TDP1: variants seen among roughly 807,000 people sequenced by gnomAD.
The protein encoded by TDP1 is tyr-DNA phosphodiesterase 1.
In TDP1, 64 loss-of-function variants were observed where a neutral mutation model predicts 81.5. The observed-to-expected ratio is 0.79, with a 90% CI of 0.64 to 0.97. TDP1 has a LOEUF of 0.97. Among genes scored for constraint, TDP1 ranks in the 50% least tolerant of loss-of-function variants. The pLI is 0.00. For missense variants in TDP1, 723 were observed against 743.8 expected, an observed-to-expected ratio of 0.97 and a Z score of 0.33; for synonymous variants, 256 against 264.3, an observed-to-expected ratio of 0.97 and a Z score of 0.30.
At chr14:90,028,439 C>T (rs147609689) in intron 15 of TDP1, among the ~76,000 whole-genome samples, 4,671 of 152,282 alleles carry the variant, frequency 0.031, 93 homozygotes, top group Non-Finnish European at 0.05. Flanking sequence ...ATCATCAGAG[C>T]GACAATCAGC....
Position 89,980,560 on chromosome 14 carries a change from A to G in TDP1, c.812A>G (p.Tyr271Cys), listed in dbSNP as rs752324125. The G allele has an allele frequency of 3.1e-6, 5 of 1,614,072 alleles. No individual in the cohort carries two copies. The highest frequency in any genetic ancestry group is 4.2e-6 in the Non-Finnish European group (5 of 1,180,030). ...THHTKMMLLL[Y>C]EEGLRVVIHT... is the part of the protein sequence containing the mutation. ...TAAAGGAAAATGATGCTGCTGCTCTATGAAGAAGGCCTCCGGGTTGTCATA... is the reference window on the plus strand; with the variant it reads ...TAAAGGAAAATGATGCTGCTGCTCTGTGAAGAAGGCCTCCGGGTTGTCATA... Residue 271 changes from tyrosine (Y) to cysteine (C), a missense_variant, in exon 8 of 17, where the codon TAT becomes TGT. Tyr to Cys is a radical substitution (Grantham distance 194). Coordinates refer to ENST00000335725, the MANE Select transcript of TDP1 (RefSeq NM_018319.4).
intron 16 of TDP1, among the ~76,000 whole-genome samples, chr14:90,035,748 T>TA (rs1887757022): frequency 6.6e-6 from 1 of 151,254 alleles, no homozygotes; most frequent in African/African-American, 2.4e-5. Flanking sequence ...TTTTTTTTTT[T>TA]AACCCAAGTT....
intron 14 of TDP1, among the ~76,000 whole-genome samples, chr14:90,011,406 T>C (rs1884688854): frequency 6.6e-6 from 1 of 151,882 alleles, no homozygotes; most frequent in Admixed American, 6.6e-5. Flanking sequence ...GACAGGAAAA[T>C]GTGGGAAAGT....
At chr14:89,980,425 G>C in intron 7 of TDP1, 115 bp from the exon 8 acceptor site, 2 of 1,403,984 alleles carry the variant, frequency 1.4e-6, no homozygotes, top group Admixed American at 2.0e-5. Context: ...GTTAAGTTTG[G>C]GTAATATGAG....
intron 16 of TDP1, among the ~76,000 whole-genome samples, chr14:90,040,431 C>T (rs1412635412): frequency 6.6e-6 from 1 of 152,256 alleles, no homozygotes; most frequent in Non-Finnish European, 1.5e-5. Flanking sequence ...GGAAAATGTT[C>T]TCTAACAGGC....
chr14:89,986,291 C>G (rs1365474037), intron 10 of TDP1, among the ~76,000 whole-genome samples: 1 of 152,222 alleles, frequency 6.6e-6, no homozygotes, highest in African/African-American at 2.4e-5. Context: ...GCTTTGTTAT[C>G]TACAAGCCGT....
In TDP1 at chr14:90,043,065, C is replaced by G; in HGVS notation, c.1754-5C>G. The G allele has an allele frequency of 6.2e-7, 1 of 1,614,150 alleles. No homozygotes were observed. Among genetic ancestry groups the G allele is most frequent in the Non-Finnish European group, 8.5e-7 (1 of 1,180,018 alleles). ...TAAATATTACGTAATGTGTTTTTCC[C>G]CCAGATCGGCCATGGATATGGAACA... On this transcript the variant is annotated splice_polypyrimidine_tract_variant and splice_region_variant and intron_variant, in intron 16 of 16. Coordinates refer to ENST00000335725, the MANE Select transcript of TDP1 (RefSeq NM_018319.4).
rs573516881 is a variant in TDP1 at position 89,983,789 on chromosome 14, T to C, written c.885-727T>C. Among the ~76,000 whole-genome samples, 29 of 152,354 alleles carry C rather than the reference T, an allele frequency of 1.9e-4. No homozygotes were observed. The South Asian group carries it at 5.6e-3, about 29-fold the overall frequency. On this transcript the variant is annotated intron_variant, in intron 8 of 16. Coordinates refer to ENST00000335725, the MANE Select transcript of TDP1 (RefSeq NM_018319.4). ...GATTGTTTTCTATTTATGGATATAA[T>C]GTAGAAGTTTTGGCAAAGAGCATTG...
At chr14:89,955,999 C>G (rs1031061815) in intron 1 of TDP1, 29 bp downstream of exon 1, 4 of 152,696 alleles carry the variant, frequency 2.6e-5, no homozygotes, top group African/African-American at 9.6e-5. Context: ...TGGGCGCGGA[C>G]TCGGTGCGGT....
At chr14:90,021,646 A>G (rs1886102166) in intron 15 of TDP1, among the ~76,000 whole-genome samples, 1 of 152,254 alleles carries the variant, frequency 6.6e-6, no homozygotes, top group Non-Finnish European at 1.5e-5. Flanking sequence ...TGGAATCCCT[A>G]AACCGACCTT....
chr14:89,997,659 T>TA (rs1896755748), intron 14 of TDP1, among the ~76,000 whole-genome samples: 1 of 152,152 alleles, frequency 6.6e-6, no homozygotes, highest in Non-Finnish European at 1.5e-5. Context: ...TTGAGGAACA[T>TA]ACAAGAAATA....
intron 5 of TDP1, among the ~76,000 whole-genome samples, chr14:89,969,997 C>T (rs939538084): frequency 2.7e-5 from 4 of 149,828 alleles, no homozygotes; most frequent in Admixed American, 6.6e-5. Flanking sequence ...CTGCCTCAGC[C>T]TCCCAAGTAG....
intron 8 of TDP1, chr14:89,983,353 T>TTG (rs1895207659): frequency 1.1e-5 from 3 of 267,976 alleles, no homozygotes; most frequent in Non-Finnish European, 1.5e-5. Flanking sequence ...CTGTGCTAAG[T>TTG]GTCTCCCCAG....
chr14:90,020,651 C>T (rs544431174), intron 15 of TDP1, among the ~76,000 whole-genome samples: 12 of 118,098 alleles, frequency 1.0e-4, no homozygotes, highest in African/African-American at 4.3e-4. Context: ...TTCCTCCCTC[C>T]CTCCCCTGCC....
In TDP1 at chr14:89,963,480, C is replaced by A. The variant is rs895277457; in HGVS notation, c.366C>A (p.Gly122=). The A allele has an allele frequency of 1.4e-5, 22 of 1,608,742 alleles. No individual in the cohort carries two copies. The highest frequency in any genetic ancestry group is 1.9e-5 in the Non-Finnish European group (22 of 1,177,010). ...KEKDISAPND[G]TAQRTENHGA... is the part of the protein sequence containing the mutation. ...AAGACATCTCTGCTCCCAATGACGGCACTGCCCAAAGAACTGAAAATCATG... is the reference window on the plus strand; with the variant it reads ...AAGACATCTCTGCTCCCAATGACGGAACTGCCCAAAGAACTGAAAATCATG... Residue 122 remains glycine, a synonymous_variant, in exon 3 of 17, where the codon GGC becomes GGA. Transcript: ENST00000335725.
chr14:90,013,858 TTC>T (rs1359498048), intron 14 of TDP1, among the ~76,000 whole-genome samples: 1 of 152,174 alleles, frequency 6.6e-6, no homozygotes, highest in Admixed American at 6.5e-5. Flanking sequence ...GGCTCTCATT[TTC>T]TCTGTTTGCC....
chr14:90,043,134 G>GC lies in TDP1; in HGVS notation c.1821dup (p.Ser608LeufsTer11). The GC allele has an allele frequency of 6.2e-7, 1 of 1,614,158 alleles. No individual in the cohort carries two copies. ...CGGATACGCATGGGAACATGTGGGT[G>GC]CCCTCCTGAGAATCTTGAGGCACTG... On this transcript the variant is annotated frameshift_variant, in exon 17 of 17. Coordinates refer to ENST00000335725, the MANE Select transcript of TDP1 (RefSeq NM_018319.4). LOFTEE classifies it high-confidence loss of function.
At chr14:89,960,279 T>C (rs1182719371) in intron 2 of TDP1, among the ~76,000 whole-genome samples, 1 of 152,208 alleles carries the variant, frequency 6.6e-6, no homozygotes, top group Non-Finnish European at 1.5e-5. Context: ...TTGTGGGTTT[T>C]TTTTTCAAAC....
intron 5 of TDP1, 83 bp from the exon 6 acceptor site, chr14:89,971,092 T>C: frequency 8.0e-7 from 1 of 1,254,508 alleles, no homozygotes. Context: ...TGCCTCGGCC[T>C]CCCAAGGTGC....
Sources: gnomAD v4.1 joint callset for allele counts (sites outside exome capture counted in the v4.1 genomes callset) on GRCh38, gnomAD v4.1.1 for gene constraint, MANE v1.5 for transcripts, NCBI Gene and HGNC (gene_info 2026-07-23, HGNC 2026-07-21) for gene names.